The following TAFA2 variants were observed in gnomAD, a reference collection of about 807,000 sequenced individuals.
TAFA2 encodes the protein chemokine-like protein TAFA-2.
A neutral mutation model predicts 18.8 loss-of-function variants in TAFA2; 7 were observed. The observed-to-expected ratio is 0.37, with a 90% CI of 0.21 to 0.70. TAFA2 has a LOEUF of 0.70. TAFA2 is among the 30% of genes least tolerant of loss of function. The pLI is 0.53. For synonymous variants in TAFA2, 60 were observed against 54.2 expected, an observed-to-expected ratio of 1.11 and a Z score of -0.47; for missense variants, 122 against 158.1, an observed-to-expected ratio of 0.77 and a Z score of 1.23.
intron 1 of TAFA2, among the ~76,000 whole-genome samples, chr12:62,199,724 A>C (rs1459494253): frequency 6.6e-6 from 1 of 152,166 alleles, no homozygotes; most frequent in African/African-American, 2.4e-5. Flanking sequence ...ATATACATGC[A>C]TGTATCTTTA....
intron 1 of TAFA2, among the ~76,000 whole-genome samples, chr12:62,113,707 A>G (rs1869835924): frequency 6.6e-6 from 1 of 152,180 alleles, no homozygotes; most frequent in South Asian, 2.1e-4. Flanking sequence ...GGAGAAAAAT[A>G]GAGAGGCAGT....
chr12:61,988,810 A>G (rs1879902062), intron 1 of TAFA2, among the ~76,000 whole-genome samples: 1 of 152,112 alleles, frequency 6.6e-6, no homozygotes, highest in African/African-American at 2.4e-5. Flanking sequence ...CTCTGTGATG[A>G]GTGCTACAGG....
rs2198788 is a variant in TAFA2, at chr12:61,900,634, T to G, written c.-1-33208A>C. On this transcript the variant is annotated intron_variant, in intron 1 of 4. Coordinates refer to ENST00000416284, the MANE Select transcript of TAFA2 (RefSeq NM_178539.5). ...TATAAACCCATCAGATCTCAGTGAC[T>G]ATCATGAGAACAGCATGGGAGAACC... Among the ~76,000 whole-genome samples, 1,459 of 152,248 alleles carry G rather than the reference T, an allele frequency of 9.6e-3. 14 individuals are homozygous for G. The highest frequency in any genetic ancestry group is 0.033 in the African/African-American group (1,351 of 41,540).
At chr12:62,107,843 T>C (rs528471692) in intron 1 of TAFA2, among the ~76,000 whole-genome samples, 3 of 152,312 alleles carry the variant, frequency 2.0e-5, no homozygotes, top group Non-Finnish European at 4.4e-5. Context: ...ATGTTATTAT[T>C]AGTATCTGCA....
intron 1 of TAFA2, among the ~76,000 whole-genome samples, chr12:61,947,162 A>G (rs1878298134): frequency 6.9e-6 from 1 of 145,102 alleles, no homozygotes; most frequent in South Asian, 2.3e-4. Context: ...TTGTAGGGAC[A>G]TGGATGAAAT....
intron 1 of TAFA2, among the ~76,000 whole-genome samples, chr12:62,108,267 T>G (rs1869554436): frequency 6.6e-6 from 1 of 152,156 alleles, no homozygotes. Flanking sequence ...GCTAGTTTGC[T>G]GAGAATGATG....
At chr12:62,193,578 T>C (rs1435897766), upstream of TAFA2, among the ~76,000 whole-genome samples, 1 of 152,254 alleles carries the variant, frequency 6.6e-6, no homozygotes, top group Non-Finnish European at 1.5e-5. Flanking sequence ...AAATCAACCA[T>C]ATTTTGTATC....
chr12:61,865,165 T>C (rs374625911), intron 2 of TAFA2, among the ~76,000 whole-genome samples: 3 of 152,294 alleles, frequency 2.0e-5, no homozygotes, highest in South Asian at 2.1e-4. Flanking sequence ...GAAAGGATCC[T>C]AGGTTCTTAC....
intron 1 of TAFA2, among the ~76,000 whole-genome samples, chr12:62,186,003 C>A (rs2062583411): frequency 6.6e-6 from 1 of 152,154 alleles, no homozygotes; most frequent in Admixed American, 6.5e-5. Flanking sequence ...CTCCTCATAG[C>A]CCAGGACATT....
chr12:62,146,177 C>T (rs749351186), intron 1 of TAFA2, among the ~76,000 whole-genome samples: 4 of 151,106 alleles, frequency 2.6e-5, no homozygotes, highest in Non-Finnish European at 5.9e-5. Context: ...CTTGGAGGCC[C>T]TCTCATCTCA....
chr12:61,861,447 C>T (rs1256933759), intron 2 of TAFA2, among the ~76,000 whole-genome samples: 1 of 151,738 alleles, frequency 6.6e-6, no homozygotes, highest in East Asian at 1.9e-4. Context: ...TAGAAATGGG[C>T]TCTCGCTTTG....
rs529635151 is a variant in TAFA2 at position 62,234,826 on chromosome 12, T to C, written c.-130+23937A>G. 462 of 1,029,420 alleles carry C rather than the reference T, an allele frequency of 4.5e-4. 5 individuals are homozygous for C. Among genetic ancestry groups the C allele is most frequent in the South Asian group, 4.1e-3 (323 of 79,638 alleles). 63.8% of individuals were successfully genotyped at this position (1,029,420 alleles called of 1,614,324 possible). ...GGGCCTGCTTGGGAGTCTGGCTGAC[T>C]TACGAGAGTCCTGAGATCCTAAAAC... On this transcript the variant is annotated intron_variant, in intron 1 of 5. Coordinates refer to the TAFA2 transcript ENST00000551619.
chr12:62,056,825 C>A (rs548375500), intron 1 of TAFA2, among the ~76,000 whole-genome samples: 15 of 152,332 alleles, frequency 9.8e-5, no homozygotes, highest in Admixed American at 2.6e-4. Flanking sequence ...CTGCCTACAT[C>A]AAGCGTAACA....
At chr12:61,821,842 T>G (rs1024927716) in intron 2 of TAFA2, among the ~76,000 whole-genome samples, 1 of 152,114 alleles carries the variant, frequency 6.6e-6, no homozygotes, top group Non-Finnish European at 1.5e-5. Context: ...TTAAATGCAT[T>G]TTATTCCTGT....
intron 1 of TAFA2, among the ~76,000 whole-genome samples, chr12:62,093,797 A>G (rs749318822): frequency 6.6e-5 from 10 of 152,074 alleles, no homozygotes; most frequent in Non-Finnish European, 1.5e-4. Flanking sequence ...AAGACAAAAC[A>G]AAATTATTCA....
At chr12:62,021,439 CT>C in intron 1 of TAFA2, 1 of 498,216 alleles carries the variant, frequency 2.0e-6, no homozygotes. Flanking sequence ...CCCTCCCACC[CT>C]TTCCCCCAAG....
chr12:62,251,603 TG>T (rs1413872478), intron 1 of TAFA2, among the ~76,000 whole-genome samples: 1 of 152,102 alleles, frequency 6.6e-6, no homozygotes, highest in Non-Finnish European at 1.5e-5. Flanking sequence ...TCAACACTTG[TG>T]GAAGAAAGGA....
intron 1 of TAFA2, among the ~76,000 whole-genome samples, chr12:62,186,815 A>T (rs1592390292): frequency 6.6e-6 from 1 of 152,156 alleles, no homozygotes; most frequent in East Asian, 1.9e-4. Flanking sequence ...TTCTTCTTAC[A>T]GCTTAAATAT....
At chr12:61,890,754 T>C (rs1429286692) in intron 1 of TAFA2, among the ~76,000 whole-genome samples, 1 of 152,166 alleles carries the variant, frequency 6.6e-6, no homozygotes, top group East Asian at 1.9e-4. Context: ...CTGGCTATAA[T>C]ATGCCAGACT....
Sources: gnomAD v4.1 joint callset for allele counts (sites outside exome capture counted in the v4.1 genomes callset) on GRCh38, gnomAD v4.1.1 for gene constraint, MANE v1.5 for transcripts, NCBI Gene and HGNC (gene_info 2026-07-23, HGNC 2026-07-21) for gene names.